HTR4: variants seen among roughly 807,000 people sequenced by gnomAD.
The protein encoded by HTR4 is 5-hydroxytryptamine receptor 4.
Under a neutral mutation model 36.8 loss-of-function variants are expected in HTR4, and 16 were observed. The observed-to-expected ratio is 0.43, with a 90% CI of 0.29 to 0.66. HTR4 has a LOEUF of 0.66. HTR4 is among the 30% of genes least tolerant of loss of function. HTR4 has a pLI of 0.13. For synonymous variants in HTR4, 189 were observed against 185.1 expected, an observed-to-expected ratio of 1.02 and a Z score of -0.17; for missense variants, 438 against 490.9, an observed-to-expected ratio of 0.89 and a Z score of 1.02.
At chr5:148,532,681 T>C (rs1450928870) in intron 4 of HTR4, among the ~76,000 whole-genome samples, 1 of 152,224 alleles carries the variant, frequency 6.6e-6, no homozygotes, top group Non-Finnish European at 1.5e-5. Flanking sequence ...CATAAATGTA[T>C]ATTCCTATAT....
intron 6 of HTR4, among the ~76,000 whole-genome samples, chr5:148,506,002 C>T (rs142908477): frequency 0.016 from 2,396 of 152,122 alleles, 34 homozygotes; most frequent in Middle Eastern, 0.048. Flanking sequence ...ATGACTTTCT[C>T]CAGAGAATTG....
intron 2 of HTR4, among the ~76,000 whole-genome samples, chr5:148,624,526 A>G (rs1418579248): frequency 6.6e-6 from 1 of 152,238 alleles, no homozygotes; most frequent in Non-Finnish European, 1.5e-5. Flanking sequence ...GCAAGGGAAT[A>G]GATCCCACCT....
intron 5 of HTR4, among the ~76,000 whole-genome samples, chr5:148,516,356 G>A (rs1757752643): frequency 9.3e-6 from 1 of 107,628 alleles, no homozygotes; most frequent in South Asian, 3.1e-4. Flanking sequence ...GTCTTGCTGT[G>A]TCACCCAGGC....
chr5:148,588,565 G>T (rs1324710047), intron 2 of HTR4, among the ~76,000 whole-genome samples: 2 of 125,314 alleles, frequency 1.6e-5, no homozygotes, highest in East Asian at 4.8e-4. Context: ...ATGGAGTCTC[G>T]CTCTGTCGCC....
chr5:148,454,638 C>A (rs189294986), intron 5 of HTR4, among the ~76,000 whole-genome samples: 3 of 152,178 alleles, frequency 2.0e-5, no homozygotes, highest in East Asian at 3.9e-4. Context: ...AATCACAAAG[C>A]CCTCTTTTGG....
rs766327249 is a variant in HTR4, at chr5:148,509,617, G to A, written c.915C>T (p.Ser305=). The A allele has an allele frequency of 1.4e-5, 22 of 1,613,930 alleles. No homozygotes were observed. The highest frequency in any genetic ancestry group is 5.5e-5 in the South Asian group (5 of 91,080). The change falls in exon 6 of 7, where the codon TCC becomes TCT. Residue 305 remains serine, a synonymous_variant. Transcript: ENST00000377888. ...AGGCGTAGAGAAAAGGGTTCAACCC[G>A]GAATTGATATAGCCGAGCCAGAGGA... ...TAFLWLGYIN[S]GLNPFLYAFL...
intron 5 of HTR4, among the ~76,000 whole-genome samples, chr5:148,519,392 T>C (rs1757907503): frequency 6.6e-6 from 1 of 152,130 alleles, no homozygotes; most frequent in East Asian, 1.9e-4. Flanking sequence ...AATTTGGGGA[T>C]GGATTAGGAC....
intron 2 of HTR4, among the ~76,000 whole-genome samples, chr5:148,624,103 C>T (rs774061333): frequency 2.6e-5 from 4 of 152,014 alleles, no homozygotes; most frequent in African/African-American, 9.7e-5. Flanking sequence ...TTATGGTTAT[C>T]GTAGTAGAGA....
Position 148,509,463 on chromosome 5 carries a change from CAT to C in HTR4, c.1067_1068del (p.His356ArgfsTer31). The C allele has an allele frequency of 6.2e-7, 1 of 1,605,796 alleles. No homozygotes were observed. Among genetic ancestry groups the C allele is most frequent in the Non-Finnish European group, 8.5e-7 (1 of 1,175,054 alleles). On this transcript the variant is annotated frameshift_variant, in exon 6 of 7. Transcript: ENST00000377888. LOFTEE classifies it high-confidence loss of function. ...CTCCCTTAGTATACTCACCTTAGTA[CAT>C]GTGTGGATCCATTAATGGTTGTGGT... ...CSTTTINGST[H>X]VLRDAVECGG... is the part of the protein sequence containing the mutation.
At chr5:148,600,447 T>C (rs1007261124) in intron 2 of HTR4, among the ~76,000 whole-genome samples, 1 of 150,754 alleles carries the variant, frequency 6.6e-6, no homozygotes, top group African/African-American at 2.4e-5. Context: ...GGATGACATA[T>C]TCCTATATGT....
chr5:148,528,110 T>A (rs551966775), intron 4 of HTR4, among the ~76,000 whole-genome samples: 57 of 152,314 alleles, frequency 3.7e-4, no homozygotes, highest in Middle Eastern at 6.8e-3. Flanking sequence ...TCTCCTTTTT[T>A]AAAATTATCA....
chr5:148,467,396 T>C (rs1179523856), intron 5 of HTR4, among the ~76,000 whole-genome samples: 2 of 152,314 alleles, frequency 1.3e-5, no homozygotes, highest in East Asian at 3.9e-4. Context: ...ATGCAACCCT[T>C]AAGGAGTTAA....
chr5:148,547,303 C>G (rs1455053223), intron 4 of HTR4, among the ~76,000 whole-genome samples: 1 of 151,916 alleles, frequency 6.6e-6, no homozygotes, highest in African/African-American at 2.4e-5. Flanking sequence ...ACTACTTTTC[C>G]TAGTCCTCAA....
chr5:148,653,087 A>G (rs979739756), intron 1 of HTR4, among the ~76,000 whole-genome samples: 11 of 152,230 alleles, frequency 7.2e-5, no homozygotes, highest in Admixed American at 2.0e-4. Flanking sequence ...TTCCAGGGAC[A>G]GGGTAAATAT....
intron 6 of HTR4, among the ~76,000 whole-genome samples, chr5:148,499,087 G>T (rs1756819271): frequency 6.6e-6 from 1 of 152,156 alleles, no homozygotes; most frequent in Admixed American, 6.5e-5. Context: ...GTCAGAAACA[G>T]TTGGGTCTGA....
At chr5:148,470,766 G>T (rs1755549002) in intron 5 of HTR4, among the ~76,000 whole-genome samples, 1 of 152,092 alleles carries the variant, frequency 6.6e-6, no homozygotes, top group African/African-American at 2.4e-5. Context: ...TCAGCTCACT[G>T]CAACATCCAC....
At chr5:148,459,645 T>G (rs188897730) in intron 5 of HTR4, among the ~76,000 whole-genome samples, 445 of 152,266 alleles carry the variant, frequency 2.9e-3, no homozygotes, top group Non-Finnish European at 3.5e-3. Flanking sequence ...TAACACCATA[T>G]GGGTAAATAG....
At chr5:148,454,023 C>T (rs1755038105) in intron 5 of HTR4, among the ~76,000 whole-genome samples, 1 of 152,316 alleles carries the variant, frequency 6.6e-6, no homozygotes, top group South Asian at 2.1e-4. Flanking sequence ...TTTTCTCAGG[C>T]CCTGTCATGT....
intron 2 of HTR4, among the ~76,000 whole-genome samples, chr5:148,585,569 T>C (rs979827980): frequency 1.3e-5 from 2 of 152,186 alleles, no homozygotes; most frequent in African/African-American, 4.8e-5. Context: ...TGGGGGCATT[T>C]CCTAATGTAT....
Sources: allele counts gnomAD v4.1 joint callset (sites outside exome capture counted in the v4.1 genomes callset), GRCh38; gene constraint gnomAD v4.1.1; transcripts MANE v1.5; gene names NCBI Gene and HGNC (gene_info 2026-07-23, HGNC 2026-07-21).